The following DMRT1 variants were observed in gnomAD, a reference collection of about 807,000 sequenced individuals.
DMRT1 encodes doublesex- and mab-3-related transcription factor 1.
DMRT1 carries 7 observed loss-of-function variants against 32.3 expected under a neutral mutation model. The observed-to-expected ratio is 0.22, with a 90% CI of 0.12 to 0.41. The LOEUF (loss-of-function observed/expected upper bound fraction) is 0.41. Ranked by LOEUF, DMRT1 falls within the 10% of genes least tolerant of loss-of-function variation. The probability of loss-of-function intolerance (pLI) is 1.00; values close to 1 mark genes in which losing one functional copy is unlikely to be tolerated. For missense variants in DMRT1, 625 were observed against 500.5 expected (o/e 1.25, Z -2.37); for synonymous variants, 278 against 206.1 (o/e 1.35, Z -2.99).
At chr9:881,102 T>C (rs535787460) in intron 2 of DMRT1, among the ~76,000 whole-genome samples, 1 of 151,226 alleles carries the variant, frequency 6.6e-6, no homozygotes, top group African/African-American at 2.5e-5. Context: ...CATGGGGAAT[T>C]CTATAGACCC....
chr9:963,841 T>C (rs1360052046), intron 4 of DMRT1, among the ~76,000 whole-genome samples: 2 of 152,264 alleles, frequency 1.3e-5, no homozygotes, highest in African/African-American at 4.8e-5. Context: ...TGGAAGAATT[T>C]GTTGTTTAAG....
intron 2 of DMRT1, among the ~76,000 whole-genome samples, chr9:848,872 A>G (rs1839019586): frequency 5.1e-5 from 2 of 39,582 alleles, no homozygotes; most frequent in South Asian, 1.3e-3. Flanking sequence ...TGCTTTTCAT[A>G]GGAAGGAAGG....
Position 841,764 on chromosome 9 carries a change from C to G in DMRT1, c.-75C>G. ...CCTCCTCCTCCGGAGCGTCGCTGTC[C>G]GTCGGGTTCATCCCTCGCAGCAGTC... On this transcript the variant is annotated 5_prime_UTR_variant, in exon 1 of 5. Transcript: ENST00000382276. The G allele has an allele frequency of 6.4e-7, 1 of 1,552,590 alleles. No homozygotes were observed. Among genetic ancestry groups the G allele is most frequent in the Non-Finnish European group, 8.7e-7 (1 of 1,149,140 alleles).
chr9:921,503 A>G (rs1277248565), intron 4 of DMRT1, among the ~76,000 whole-genome samples: 1 of 152,136 alleles, frequency 6.6e-6, no homozygotes, highest in African/African-American at 2.4e-5. Context: ...TTCTGGGTGT[A>G]TGCCTAGAAG....
chr9:883,908 C>G (rs188628606), intron 2 of DMRT1, among the ~76,000 whole-genome samples: 211 of 152,136 alleles, frequency 1.4e-3, no homozygotes, highest in Middle Eastern at 3.4e-3. Flanking sequence ...ATAATTTTGC[C>G]TGACTGGTAT....
chr9:950,584 G>A (rs922043100), intron 4 of DMRT1, among the ~76,000 whole-genome samples: 1 of 152,106 alleles, frequency 6.6e-6, no homozygotes. Context: ...GGGGCTCAAC[G>A]AATGATAGTA....
intron 4 of DMRT1, among the ~76,000 whole-genome samples, chr9:924,174 C>G (rs1231984030): frequency 6.6e-6 from 1 of 150,954 alleles, no homozygotes; most frequent in East Asian, 2.0e-4. Context: ...CAGGTTCAAG[C>G]AATTCTCCTA....
At chr9:913,296 G>C (rs1206846307) in intron 3 of DMRT1, among the ~76,000 whole-genome samples, 3 of 152,138 alleles carry the variant, frequency 2.0e-5, no homozygotes, top group Non-Finnish European at 4.4e-5. Flanking sequence ...GAGCAGGGAG[G>C]CTCCATTATT....
chr9:952,066 T>G (rs1170982046), intron 4 of DMRT1, among the ~76,000 whole-genome samples: 2 of 152,274 alleles, frequency 1.3e-5, no homozygotes, highest in Non-Finnish European at 2.9e-5. Context: ...AGCTGTTAAA[T>G]GATTGCCCAG....
intron 2 of DMRT1, among the ~76,000 whole-genome samples, chr9:872,188 A>C (rs1368367162): frequency 1.3e-5 from 2 of 150,878 alleles, no homozygotes; most frequent in African/African-American, 5.0e-5. Flanking sequence ...GAGCCTCCCG[A>C]GTAGCTGGGA....
intron 3 of DMRT1, among the ~76,000 whole-genome samples, chr9:903,509 C>G (rs1817664357): frequency 6.6e-6 from 1 of 152,146 alleles, no homozygotes; most frequent in Non-Finnish European, 1.5e-5. Context: ...TGCTTTTGAT[C>G]CTGCAGCAAG....
chr9:899,891 T>G (rs1234480852), intron 3 of DMRT1, among the ~76,000 whole-genome samples: 1 of 152,226 alleles, frequency 6.6e-6, no homozygotes, highest in Non-Finnish European at 1.5e-5. Context: ...TGTGTAGACT[T>G]ACATTCCAGC....
At chr9:885,306 G>T (rs1182055337) in intron 2 of DMRT1, among the ~76,000 whole-genome samples, 2 of 152,218 alleles carry the variant, frequency 1.3e-5, no homozygotes, top group Non-Finnish European at 2.9e-5. Flanking sequence ...AGGGCTTTCT[G>T]TATCCCCTGG....
intron 4 of DMRT1, among the ~76,000 whole-genome samples, chr9:951,210 A>G (rs973007452): frequency 1.3e-5 from 2 of 152,096 alleles, no homozygotes; most frequent in Non-Finnish European, 2.9e-5. Flanking sequence ...TTTAATATAT[A>G]TTTTTCTTTA....
At chr9:890,825 C>CT (rs1817117343) in intron 2 of DMRT1, among the ~76,000 whole-genome samples, 1 of 152,166 alleles carries the variant, frequency 6.6e-6, no homozygotes, top group African/African-American at 2.4e-5. Flanking sequence ...AGCAATTCTC[C>CT]TGCCTCATCC....
At position 968,305 on chromosome 9, in the gene DMRT1, C is replaced by A; in HGVS notation, c.*166C>A. The A allele has an allele frequency of 2.6e-6, 2 of 767,290 alleles. No homozygotes were observed. The highest frequency in any genetic ancestry group is 4.2e-6 in the Non-Finnish European group (2 of 476,176). The allele number at this position is 767,290 out of a possible 1,614,324, so 47.5% of individuals were successfully genotyped here. Reference sequence around the variant, plus strand: ...CAGAGGCTGTAACACATTTGTAATACTTTAGGGTCCGTGACTACCATCTGC... The same window carrying A: ...CAGAGGCTGTAACACATTTGTAATAATTTAGGGTCCGTGACTACCATCTGC... On this transcript the variant is annotated 3_prime_UTR_variant, in exon 5 of 5. Transcript: ENST00000382276.
chr9:888,042 A>T lies in DMRT1; in HGVS notation c.539-5870A>T, dbSNP rs75956583. On this transcript the variant is annotated intron_variant, in intron 2 of 4. Coordinates refer to ENST00000382276, the MANE Select transcript of DMRT1 (RefSeq NM_021951.3). ...GGATTACCCAGAAGTCTTCTGAAGAATATTAAATTTTGACTCTGCAATGTT... is the reference window on the plus strand; with the variant it reads ...GGATTACCCAGAAGTCTTCTGAAGATTATTAAATTTTGACTCTGCAATGTT... Among the ~76,000 whole-genome samples the T allele has an allele frequency of 5.6e-4, 86 of 152,340 alleles. 1 individual carries two copies. The East Asian group carries it at 0.013, about 22-fold the overall frequency.
At chr9:935,651 T>G (rs1818862487) in intron 4 of DMRT1, among the ~76,000 whole-genome samples, 1 of 152,256 alleles carries the variant, frequency 6.6e-6, no homozygotes, top group African/African-American at 2.4e-5. Flanking sequence ...AGAGAGCCCG[T>G]ATGTTCATTT....
intron 3 of DMRT1, among the ~76,000 whole-genome samples, chr9:895,801 CTTTTTT>C (rs1187539144): frequency 8.2e-6 from 1 of 121,984 alleles, no homozygotes; most frequent in African/African-American, 3.2e-5. Flanking sequence ...ATAACTGAAA[CTTTTTT>C]TTTTTTTTTT....
Sources: allele counts gnomAD v4.1 joint callset (sites outside exome capture counted in the v4.1 genomes callset), GRCh38; gene constraint gnomAD v4.1.1; transcripts MANE v1.5; gene names NCBI Gene and HGNC (gene_info 2026-07-23, HGNC 2026-07-21).